The following DOCK7 variants were observed in gnomAD, a reference collection of about 807,000 sequenced individuals.
The protein encoded by DOCK7 is dedicator of cytokinesis 7.
DOCK7 carries 138 observed loss-of-function variants against 271.0 expected under a neutral mutation model. The ratio of observed to expected loss-of-function variants is 0.51; its 90% CI spans 0.44 to 0.59. The LOEUF (loss-of-function observed/expected upper bound fraction) is 0.59, where lower values mean the gene tolerates loss of function less well. Ranked by LOEUF, DOCK7 falls within the 20% of genes least tolerant of loss-of-function variation. The pLI is 0.00. For synonymous variants in DOCK7, 823 were observed against 876.1 expected (o/e 0.94, Z 1.07); for missense variants, 2,066 against 2,592.4 (o/e 0.80, Z 4.41).
At chr1:62,598,922 T>A (rs1649701404) in intron 14 of DOCK7, 1 of 702,446 alleles carries the variant, frequency 1.4e-6, no homozygotes, top group Non-Finnish European at 2.5e-6. Flanking sequence ...CACATCAGCA[T>A]AACTGTTAAA....
intron 1 of DOCK7, among the ~76,000 whole-genome samples, chr1:62,687,849 G>A (rs1324294035): frequency 3.3e-5 from 5 of 152,176 alleles, no homozygotes; most frequent in African/African-American, 1.2e-4. Context: ...GAAACGCCGC[G>A]GCGGCCCCCG....
In DOCK7 at chr1:62,610,463, C is replaced by CTAT. The variant is rs199524312; in HGVS notation, c.1682+8240_1682+8242dup. 3.5e-3 allele frequency among the ~76,000 whole-genome samples: 526 copies of CTAT among 151,010 alleles called. 3 individuals carry two copies. Among genetic ancestry groups the CTAT allele is most frequent in the East Asian group, 0.014 (73 of 5,158 alleles). The stretch of plus-strand genomic sequence containing the variant: ...TGTCATTAATAGAAACATACATTTA[C>CTAT]TATTATTATTATTATTATTATACTT... On this transcript the variant is annotated intron_variant, in intron 14 of 49. Coordinates refer to ENST00000635253, the MANE Select transcript of DOCK7 (RefSeq NM_001367561.1).
At chr1:62,586,690 A>G (rs1373259561) in intron 14 of DOCK7, 66 bp from the exon 15 acceptor site, 2 of 916,668 alleles carry the variant, frequency 2.2e-6, no homozygotes, top group African/African-American at 3.4e-5. Context: ...TCACTCACAA[A>G]ATACCACAAA....
chr1:62,497,892 T>C (rs551922701), intron 37 of DOCK7, among the ~76,000 whole-genome samples: 2 of 152,208 alleles, frequency 1.3e-5, no homozygotes, highest in Admixed American at 1.3e-4. Flanking sequence ...AAATAATTCA[T>C]AGTTGGCTAG....
chr1:62,663,215 T>A, intron 1 of DOCK7, 85 bp from the exon 2 acceptor site: 1 of 1,024,364 alleles, frequency 9.8e-7, no homozygotes, highest in Non-Finnish European at 1.5e-6. Flanking sequence ...CTAAATACAT[T>A]AAAGATTCAT....
intron 1 of DOCK7, among the ~76,000 whole-genome samples, chr1:62,673,963 G>A (rs1418358398): frequency 1.3e-5 from 2 of 151,180 alleles, no homozygotes; most frequent in Non-Finnish European, 2.9e-5. Context: ...AAGGGGGGGA[G>A]GTAGGGAGGG....
At chr1:62,657,189 C>A (rs190009128) in intron 2 of DOCK7, among the ~76,000 whole-genome samples, 1 of 152,146 alleles carries the variant, frequency 6.6e-6, no homozygotes, top group Non-Finnish European at 1.5e-5. Flanking sequence ...GGTCACACAC[C>A]CTTGGGTGTC....
intron 4 of DOCK7, among the ~76,000 whole-genome samples, 153 bp downstream of exon 4, chr1:62,653,572 G>A (rs896143830): frequency 1.3e-5 from 2 of 152,052 alleles, no homozygotes; most frequent in African/African-American, 4.8e-5. Flanking sequence ...AAATCCTAAG[G>A]AGTAAATATC....
intron 48 of DOCK7, among the ~76,000 whole-genome samples, chr1:62,461,275 C>T (rs1283231348): frequency 6.6e-6 from 1 of 151,844 alleles, no homozygotes; most frequent in African/African-American, 2.4e-5. Flanking sequence ...GAAAAAGATT[C>T]TACAGATAAA....
rs528176326 is a variant in DOCK7 at position 62,671,725 on chromosome 1, C to G, written c.39-8595G>C. 9.5e-4 allele frequency among the ~76,000 whole-genome samples: 144 copies of G among 152,238 alleles called. 1 individual carries two copies. The highest frequency in any genetic ancestry group is 3.0e-3 in the African/African-American group (126 of 41,566). On this transcript the variant is annotated intron_variant, in intron 1 of 49. Coordinates refer to ENST00000635253, the MANE Select transcript of DOCK7 (RefSeq NM_001367561.1). Reference sequence around the variant, plus strand: ...GTCTAGTTGAGATCATTATTATCATCTTTGTAATCTGGTAAAGTAAAAAAA... The same window carrying G: ...GTCTAGTTGAGATCATTATTATCATGTTTGTAATCTGGTAAAGTAAAAAAA...
intron 31 of DOCK7, 101 bp from the exon 32 acceptor site, chr1:62,513,999 G>A (rs1419910567): frequency 2.6e-5 from 28 of 1,072,284 alleles, no homozygotes; most frequent in Admixed American, 1.3e-4. Context: ...AACAAAAGTT[G>A]CTTAAAAATA....
intron 14 of DOCK7, among the ~76,000 whole-genome samples, chr1:62,611,177 TTTCA>T (rs1475490417): frequency 6.6e-6 from 1 of 152,240 alleles, no homozygotes; most frequent in African/African-American, 2.4e-5. Context: ...GATCATGTTA[TTTCA>T]TTCATCAATA....
intron 14 of DOCK7, chr1:62,604,644 T>C: frequency 6.2e-7 from 1 of 1,613,114 alleles, no homozygotes. Context: ...AGGCTGGTGG[T>C]GGCATGATGA....
At position 62,619,463 on chromosome 1, in the gene DOCK7, C is replaced by T. The variant is rs149781915; in HGVS notation, c.1519+437G>A. Among the ~76,000 whole-genome samples the T allele has an allele frequency of 5.0e-3, 759 of 152,308 alleles. 3 individuals carry two copies. Among genetic ancestry groups the T allele is most frequent in the African/African-American group, 0.017 (715 of 41,564 alleles). The stretch of plus-strand genomic sequence containing the variant: ...CTTATAGATACTGTTTTTCCCTATA[C>T]ATACATGCCTACAATAAAGTTAAAT... On this transcript the variant is annotated intron_variant, in intron 13 of 49. Coordinates refer to ENST00000635253, the MANE Select transcript of DOCK7 (RefSeq NM_001367561.1).
At chr1:62,472,152 G>A (rs1164551286) in intron 48 of DOCK7, among the ~76,000 whole-genome samples, 1 of 152,072 alleles carries the variant, frequency 6.6e-6, no homozygotes, top group Non-Finnish European at 1.5e-5. Context: ...TGCCCAGGCT[G>A]GAGTGCAGTG....
chr1:62,657,618 A>C (rs907984872), intron 2 of DOCK7, among the ~76,000 whole-genome samples: 9 of 152,176 alleles, frequency 5.9e-5, no homozygotes. Flanking sequence ...ATTTCAAGGC[A>C]AACATCAGAA....
At chr1:62,583,483 A>C (rs1458194607) in intron 15 of DOCK7, among the ~76,000 whole-genome samples, 1 of 152,282 alleles carries the variant, frequency 6.6e-6, no homozygotes, top group East Asian at 1.9e-4. Context: ...AGTTTCTATC[A>C]ATTTTATTTA....
At chr1:62,513,195 A>C (rs554124798) in intron 33 of DOCK7, among the ~76,000 whole-genome samples, 8 of 135,716 alleles carry the variant, frequency 5.9e-5, no homozygotes, top group Admixed American at 8.5e-5. Context: ...TTCTAGAGAA[A>C]GTTTTCTAGA....
intron 18 of DOCK7, among the ~76,000 whole-genome samples, chr1:62,563,776 C>A (rs1047384550): frequency 1.4e-5 from 2 of 139,182 alleles, no homozygotes; most frequent in Admixed American, 8.0e-5. Flanking sequence ...AGTCAAGACC[C>A]ATCACTGTGC....
Sources: allele counts gnomAD v4.1 joint callset (sites outside exome capture counted in the v4.1 genomes callset), GRCh38; gene constraint gnomAD v4.1.1; transcripts MANE v1.5; gene names NCBI Gene and HGNC (gene_info 2026-07-23, HGNC 2026-07-21).